NXPH1: variants seen among roughly 807,000 people sequenced by gnomAD.
NXPH1 encodes neurexophilin-1.
A neutral mutation model predicts 23.7 loss-of-function variants in NXPH1; 5 were observed. That is an observed-to-expected ratio of 0.21 (90% CI 0.11 to 0.44). The LOEUF (loss-of-function observed/expected upper bound fraction) is 0.44, where lower values mean the gene tolerates loss of function less well. Ranked by LOEUF, NXPH1 falls within the 20% of genes least tolerant of loss-of-function variation. NXPH1 has a pLI of 0.99. For missense variants in NXPH1, 324 were observed against 321.6 expected (o/e 1.01, Z -0.06); for synonymous variants, 144 against 122.2 (o/e 1.18, Z -1.18).
At chr7:8,533,023 G>GT (rs1817972395) in intron 2 of NXPH1, among the ~76,000 whole-genome samples, 1 of 152,058 alleles carries the variant, frequency 6.6e-6, no homozygotes, top group African/African-American at 2.4e-5. Flanking sequence ...TGCTTTACAT[G>GT]TATTCCCTCT....
Position 8,524,685 on chromosome 7 carries a change from G to A in NXPH1, c.54+88918G>A, listed in dbSNP as rs983355888. ...GGGAGATAATTGAATCATGGGGGCCGATCTTTCCCATGCTATTCTCAGGAT... is the reference window on the plus strand; with the variant it reads ...GGGAGATAATTGAATCATGGGGGCCAATCTTTCCCATGCTATTCTCAGGAT... On this transcript the variant is annotated intron_variant, in intron 2 of 2. Coordinates refer to ENST00000405863, the MANE Select transcript of NXPH1 (RefSeq NM_152745.3). 5.9e-5 allele frequency among the ~76,000 whole-genome samples: 9 copies of A among 152,134 alleles called. No homozygotes were observed. The East Asian group carries it at 9.6e-4, about 16-fold the overall frequency.
At chr7:8,516,685 A>G (rs1817692873) in intron 2 of NXPH1, among the ~76,000 whole-genome samples, 1 of 152,138 alleles carries the variant, frequency 6.6e-6, no homozygotes, top group African/African-American at 2.4e-5. Context: ...ACTTTCAGTT[A>G]TTAAGAGGAG....
chr7:8,716,406 G>A lies in NXPH1; in HGVS notation c.55-34602G>A, dbSNP rs372789017. ...ATTAGGATTAATCGAGGAGAAAAAC[G>A]GCACCAATATTGTTTGCATGAGATT... On this transcript the variant is annotated intron_variant, in intron 2 of 2. Coordinates refer to ENST00000405863, the MANE Select transcript of NXPH1 (RefSeq NM_152745.3). Among the ~76,000 whole-genome samples, 44 of 152,182 alleles carry A rather than the reference G, an allele frequency of 2.9e-4. 1 individual carries two copies. In the South Asian group the frequency reaches 8.3e-3, roughly 29 times the overall value.
chr7:8,518,532 T>C (rs967221760), intron 2 of NXPH1, among the ~76,000 whole-genome samples: 9 of 152,144 alleles, frequency 5.9e-5, no homozygotes, highest in South Asian at 2.1e-4. Flanking sequence ...TGCTGTGTTA[T>C]GCAGGCTGGG....
Position 8,751,063 on chromosome 7 carries a change from G to A in NXPH1, c.110G>A (p.Ser37Asn), listed in dbSNP as rs755460199. The A allele has an allele frequency of 3.7e-6, 6 of 1,613,838 alleles. No homozygotes were observed. Among genetic ancestry groups the A allele is most frequent in the Non-Finnish European group, 2.5e-6 (3 of 1,179,788 alleles). The part of the protein sequence containing the change: ...GGKSELLKSG[S>N]SKSTLKHIWT... ...AAGTCAGAACTTCTGAAATCAGGAA[G>A]CAGCAAATCCACACTAAAGCACATA... The change falls in exon 3 of 3, where the codon AGC becomes AAC. Residue 37 changes from serine to asparagine, a missense_variant. Coordinates refer to ENST00000405863, the MANE Select transcript of NXPH1 (RefSeq NM_152745.3). This position sits in a 1 kb window ranked among gnomAD's most constrained non-coding sequence, Gnocchi z 4.5.
intron 2 of NXPH1, among the ~76,000 whole-genome samples, chr7:8,621,496 T>C (rs1434685203): frequency 6.6e-6 from 1 of 151,748 alleles, no homozygotes; most frequent in Admixed American, 6.6e-5. Flanking sequence ...CACTCTTTTT[T>C]TTTTTTTTGA....
At chr7:8,693,021 A>C (rs1402009938) in intron 2 of NXPH1, among the ~76,000 whole-genome samples, 2 of 152,154 alleles carry the variant, frequency 1.3e-5, no homozygotes, top group African/African-American at 4.8e-5. Flanking sequence ...ATTTAGAAGG[A>C]GCTCTTAGGA....
intron 2 of NXPH1, among the ~76,000 whole-genome samples, chr7:8,452,425 G>T (rs1451686509): frequency 1.3e-5 from 2 of 152,070 alleles, no homozygotes; most frequent in Non-Finnish European, 2.9e-5. Context: ...TCCACTGAAG[G>T]CATTTTTATC....
intron 2 of NXPH1, among the ~76,000 whole-genome samples, chr7:8,524,641 T>G (rs1180126920): frequency 6.6e-6 from 1 of 152,144 alleles, no homozygotes; most frequent in Non-Finnish European, 1.5e-5. Context: ...AATTCCCACA[T>G]GTTGTGGGAG....
chr7:8,529,084 T>C (rs1409036665), intron 2 of NXPH1, among the ~76,000 whole-genome samples: 1 of 152,206 alleles, frequency 6.6e-6, no homozygotes, highest in African/African-American at 2.4e-5. Flanking sequence ...ATGACACCTG[T>C]CATCATCAAG....
chr7:8,651,078 CG>C, intron 2 of NXPH1, among the ~76,000 whole-genome samples: 1 of 150,246 alleles, frequency 6.7e-6, no homozygotes, highest in East Asian at 2.0e-4. Flanking sequence ...CCCACTAACT[CG>C]TCATCTAGCA....
At chr7:8,562,309 A>G (rs893997874) in intron 2 of NXPH1, among the ~76,000 whole-genome samples, 1 of 151,766 alleles carries the variant, frequency 6.6e-6, no homozygotes, top group African/African-American at 2.4e-5. Context: ...AATCTGTAGG[A>G]TTGAGCTAGG....
intron 2 of NXPH1, among the ~76,000 whole-genome samples, chr7:8,560,729 AGTT>A (rs1190003707): frequency 6.6e-6 from 1 of 151,770 alleles, no homozygotes; most frequent in African/African-American, 2.4e-5. Context: ...TTCCTGGCAG[AGTT>A]GTTGAATTAT....
At chr7:8,565,340 G>T (rs767695025) in intron 2 of NXPH1, among the ~76,000 whole-genome samples, 1 of 151,756 alleles carries the variant, frequency 6.6e-6, no homozygotes, top group South Asian at 2.1e-4. Flanking sequence ...TTTTAAGCAC[G>T]CAATGCAGGA....
At chr7:8,606,946 TATTG>T (rs1171538197) in intron 2 of NXPH1, among the ~76,000 whole-genome samples, 2 of 152,182 alleles carry the variant, frequency 1.3e-5, no homozygotes, top group Admixed American at 1.3e-4. Context: ...CCACTAATTT[TATTG>T]ATTGCTTGAT....
intron 2 of NXPH1, among the ~76,000 whole-genome samples, chr7:8,744,551 T>A (rs1012960): frequency 0.57 from 87,134 of 151,958 alleles, 25,486 homozygotes; most frequent in African/African-American, 0.7. Flanking sequence ...ACCACACGTT[T>A]CTTGCACAAT....
At chr7:8,695,869 T>A (rs963566704) in intron 2 of NXPH1, among the ~76,000 whole-genome samples, 10 of 152,348 alleles carry the variant, frequency 6.6e-5, no homozygotes, top group Middle Eastern at 3.4e-3. Context: ...TTCTCAGCTG[T>A]GCCCCAGTGA....
At chr7:8,496,916 T>G (rs1390349522) in intron 2 of NXPH1, among the ~76,000 whole-genome samples, 1 of 152,126 alleles carries the variant, frequency 6.6e-6, no homozygotes, top group Non-Finnish European at 1.5e-5. Flanking sequence ...ATGTTCACAA[T>G]GTGCAGGTTT....
chr7:8,561,955 G>C (rs1349573168), intron 2 of NXPH1, among the ~76,000 whole-genome samples: 1 of 151,684 alleles, frequency 6.6e-6, no homozygotes, highest in Non-Finnish European at 1.5e-5. Flanking sequence ...TATACATAGT[G>C]AAACGGTTAC....
Sources: allele counts gnomAD v4.1 joint callset (sites outside exome capture counted in the v4.1 genomes callset), GRCh38; gene constraint gnomAD v4.1.1; non-coding constraint Gnocchi (gnomAD v3.1); transcripts MANE v1.5; gene names NCBI Gene and HGNC (gene_info 2026-07-23, HGNC 2026-07-21).